The following GABBR2 variants were observed in gnomAD, a reference collection of about 807,000 sequenced individuals.
GABBR2 encodes gamma-aminobutyric acid type B receptor subunit 2.
A neutral mutation model predicts 105.6 loss-of-function variants in GABBR2; 23 were observed. That is an observed-to-expected ratio of 0.22 (90% CI 0.16 to 0.31). The LOEUF (loss-of-function observed/expected upper bound fraction) is 0.31. GABBR2 is among the 10% of genes least tolerant of loss of function. The pLI, the probability that GABBR2 is intolerant of heterozygous loss-of-function variation, is 1.00. For synonymous variants in GABBR2, 478 were observed against 499.7 expected (o/e 0.96, Z 0.58); for missense variants, 734 against 1,245.5 (o/e 0.59, Z 6.18).
At chr9:98,502,253 A>G (rs967405332) in intron 3 of GABBR2, among the ~76,000 whole-genome samples, 29 of 152,180 alleles carry the variant, frequency 1.9e-4, no homozygotes, top group Non-Finnish European at 4.4e-5. Context: ...TCAGCATTTA[A>G]TTGAGTCCAT....
chr9:98,648,142 T>TAGATAGATAGAC (rs1830056195), intron 1 of GABBR2, among the ~76,000 whole-genome samples: 3 of 134,662 alleles, frequency 2.2e-5, no homozygotes, highest in Non-Finnish European at 4.8e-5. Flanking sequence ...GATAGATAGA[T>TAGATAGATAGAC]AGATAGATAG....
intron 6 of GABBR2, among the ~76,000 whole-genome samples, chr9:98,458,565 C>T (rs368030945): frequency 2.6e-5 from 4 of 152,080 alleles, no homozygotes; most frequent in African/African-American, 9.7e-5. Flanking sequence ...GTTAGCTGCG[C>T]GTGGTGGCAG....
intron 2 of GABBR2, among the ~76,000 whole-genome samples, chr9:98,573,226 A>G (rs1828858371): frequency 6.6e-6 from 1 of 152,210 alleles, no homozygotes; most frequent in East Asian, 1.9e-4. Context: ...TGCCCCCAAG[A>G]AGCTCACAAT....
chr9:98,673,689 T>C (rs1830434844), intron 1 of GABBR2, among the ~76,000 whole-genome samples: 1 of 152,098 alleles, frequency 6.6e-6, no homozygotes, highest in African/African-American at 2.4e-5. Context: ...TTTAGGTCCC[T>C]GAAAATAAGC....
intron 2 of GABBR2, among the ~76,000 whole-genome samples, chr9:98,566,732 G>T (rs1175833406): frequency 7.0e-6 from 1 of 142,854 alleles, no homozygotes; most frequent in Non-Finnish European, 1.5e-5. Context: ...TGTAGTCCCA[G>T]CTGCTCAGGG....
At chr9:98,308,237 A>G (rs1830581222) in intron 14 of GABBR2, among the ~76,000 whole-genome samples, 1 of 152,236 alleles carries the variant, frequency 6.6e-6, no homozygotes, top group Non-Finnish European at 1.5e-5. Context: ...GAAGGTCTCC[A>G]CAATAAATGT....
intron 1 of GABBR2, among the ~76,000 whole-genome samples, chr9:98,617,577 G>A (rs148138244): frequency 3.3e-5 from 5 of 152,304 alleles, no homozygotes; most frequent in African/African-American, 9.6e-5. Flanking sequence ...TCAGCAGAAG[G>A]AATGACAAGG....
At chr9:98,662,033 C>T (rs527990360) in intron 1 of GABBR2, among the ~76,000 whole-genome samples, 1 of 152,362 alleles carries the variant, frequency 6.6e-6, no homozygotes, top group African/African-American at 2.4e-5. Flanking sequence ...TTCCCCCTTC[C>T]AGTCCTGCTT....
intron 13 of GABBR2, among the ~76,000 whole-genome samples, chr9:98,315,187 G>A (rs1010764134): frequency 2.6e-5 from 4 of 152,164 alleles, no homozygotes; most frequent in African/African-American, 4.8e-5. Context: ...TTTCAGTTCC[G>A]CACCCATCTC....
At chr9:98,395,476 G>C (rs1246800672) in intron 8 of GABBR2, among the ~76,000 whole-genome samples, 4 of 152,072 alleles carry the variant, frequency 2.6e-5, no homozygotes, top group African/African-American at 7.2e-5. Flanking sequence ...AGGCAGGAAT[G>C]AGACCCCCAG....
intron 1 of GABBR2, among the ~76,000 whole-genome samples, chr9:98,698,686 G>A (rs1228332970): frequency 6.6e-6 from 1 of 152,050 alleles, no homozygotes; most frequent in Non-Finnish European, 1.5e-5. Flanking sequence ...TTTTAGTAGA[G>A]ACGGGGTTTC....
At chr9:98,635,190 G>T (rs549012693) in intron 1 of GABBR2, among the ~76,000 whole-genome samples, 1 of 152,338 alleles carries the variant, frequency 6.6e-6, no homozygotes, top group Admixed American at 6.5e-5. Context: ...TTAGCATACT[G>T]CTCTGCCTCT....
At chr9:98,591,668 C>T (rs1223771734) in intron 1 of GABBR2, among the ~76,000 whole-genome samples, 5 of 152,090 alleles carry the variant, frequency 3.3e-5, no homozygotes, top group East Asian at 1.9e-4. Flanking sequence ...GCCTGTGAGG[C>T]GTGGGTTTGA....
At chr9:98,476,274 TGTAA>T (rs1170533576) in intron 5 of GABBR2, among the ~76,000 whole-genome samples, 1 of 152,250 alleles carries the variant, frequency 6.6e-6, no homozygotes, top group Non-Finnish European at 1.5e-5. Context: ...AGCTGTTTCT[TGTAA>T]GTGAGTTTTC....
At chr9:98,437,247 T>C (rs1449067875) in intron 7 of GABBR2, among the ~76,000 whole-genome samples, 1 of 152,120 alleles carries the variant, frequency 6.6e-6, no homozygotes, top group Non-Finnish European at 1.5e-5. Context: ...ACACATGAAC[T>C]GAAATTACCT....
At chr9:98,490,789 C>T (rs994933734) in intron 4 of GABBR2, among the ~76,000 whole-genome samples, 4 of 152,218 alleles carry the variant, frequency 2.6e-5, no homozygotes, top group African/African-American at 2.4e-5. Flanking sequence ...AGGACGTGGT[C>T]TCTGTGCAGA....
At chr9:98,573,071 G>A (rs113913716) in intron 2 of GABBR2, among the ~76,000 whole-genome samples, 1 of 152,114 alleles carries the variant, frequency 6.6e-6, no homozygotes, top group Non-Finnish European at 1.5e-5. Flanking sequence ...ACTGTGAGAG[G>A]CTCCGCCATG....
intron 13 of GABBR2, among the ~76,000 whole-genome samples, chr9:98,312,810 C>T (rs1204076039): frequency 2.0e-5 from 3 of 152,104 alleles, no homozygotes; most frequent in Non-Finnish European, 2.9e-5. Flanking sequence ...AGTGCAATGT[C>T]GTGATCTCCG....
At chr9:98,373,813 T>C (rs1831826084) in intron 11 of GABBR2, among the ~76,000 whole-genome samples, 1 of 151,784 alleles carries the variant, frequency 6.6e-6, no homozygotes, top group African/African-American at 2.4e-5. Flanking sequence ...CAAAGATCTA[T>C]TTTGAGGAGA....
Sources: allele counts gnomAD v4.1 joint callset (sites outside exome capture counted in the v4.1 genomes callset), GRCh38; gene constraint gnomAD v4.1.1; transcripts MANE v1.5; gene names NCBI Gene and HGNC (gene_info 2026-07-23, HGNC 2026-07-21).